Variants in GLE1 observed in about 807,000 individuals in gnomAD.
GLE1 encodes the protein mRNA export factor GLE1.
GLE1 carries 78 observed loss-of-function variants against 97.3 expected under a neutral mutation model. That is an observed-to-expected ratio of 0.80 (90% CI 0.67 to 0.97). The LOEUF (loss-of-function observed/expected upper bound fraction) is 0.97. Among genes scored for constraint, GLE1 ranks in the 50% least tolerant of loss-of-function variants. GLE1 has a pLI of 0.00. For missense variants in GLE1, 753 were observed against 857.5 expected (o/e 0.88, Z 1.52); for synonymous variants, 302 against 313.4 (o/e 0.96, Z 0.39).
chr9:128,529,901 C>T (rs1413316752), intron 9 of GLE1, among the ~76,000 whole-genome samples: 11 of 152,056 alleles, frequency 7.2e-5, no homozygotes, highest in African/African-American at 2.4e-4. Context: ...CTCAGCCTCC[C>T]GAGTAGCTGG....
intron 13 of GLE1, among the ~76,000 whole-genome samples, chr9:128,538,817 T>A (rs1466382859): frequency 6.6e-6 from 1 of 152,080 alleles, no homozygotes; most frequent in Non-Finnish European, 1.5e-5. Context: ...CACCTAACCC[T>A]GCCAAAGTGT....
intron 6 of GLE1, among the ~76,000 whole-genome samples, chr9:128,524,469 C>T (rs1381319826): frequency 6.6e-6 from 1 of 151,642 alleles, no homozygotes; most frequent in African/African-American, 2.4e-5. Flanking sequence ...AAGTGATCCT[C>T]CCACCTTAGC....
At chr9:128,513,788 G>A (rs1335054244) in intron 2 of GLE1, among the ~76,000 whole-genome samples, 2 of 151,624 alleles carry the variant, frequency 1.3e-5, no homozygotes, top group Non-Finnish European at 2.9e-5. Flanking sequence ...AGGCCAAGGC[G>A]GGTGGATCAC....
chr9:128,507,454 C>T (rs539793254), intron 1 of GLE1, among the ~76,000 whole-genome samples: 3 of 152,032 alleles, frequency 2.0e-5, no homozygotes, highest in Non-Finnish European at 4.4e-5. Flanking sequence ...TGTGGTGGTG[C>T]GTGCCTGTAG....
intron 9 of GLE1, among the ~76,000 whole-genome samples, chr9:128,532,034 T>TG (rs1431607493): frequency 5.3e-4 from 79 of 149,344 alleles, no homozygotes; most frequent in East Asian, 7.9e-4. Context: ...TCCACATGGT[T>TG]GGCTTTTTTT....
At chr9:128,524,847 T>C (rs1847257471) in intron 6 of GLE1, among the ~76,000 whole-genome samples, 1 of 151,910 alleles carries the variant, frequency 6.6e-6, no homozygotes, top group South Asian at 2.1e-4. Flanking sequence ...ACCGAGATCT[T>C]GCCACTGCAC....
At chr9:128,525,509 A>G in intron 7 of GLE1, 86 bp downstream of exon 7, 1 of 910,530 alleles carries the variant, frequency 1.1e-6, no homozygotes, top group Non-Finnish European at 1.8e-6. Flanking sequence ...GTTGTGTTAA[A>G]CTGTAGGACA....
chr9:128,535,770 G>T (rs1192968212), intron 11 of GLE1, among the ~76,000 whole-genome samples: 1 of 151,790 alleles, frequency 6.6e-6, no homozygotes, highest in Non-Finnish European at 1.5e-5. Context: ...GCCTGAGATC[G>T]TGCTATTGCT....
At position 128,527,544 on chromosome 9, in the gene GLE1, G is replaced by A; in HGVS notation, c.1312+19G>A. 2.1e-6 allele frequency: 3 copies of A among 1,440,626 alleles called. No homozygotes were observed. The highest frequency in any genetic ancestry group is 2.9e-6 in the Non-Finnish European group (3 of 1,021,620). The allele number at this position is 1,440,626 out of a possible 1,614,324, so 89.2% of individuals were successfully genotyped here. On this transcript the variant is annotated intron_variant, in intron 9 of 15. Transcript: ENST00000309971. ...ATTGCAGGTTGGTCAGAGGGGTTGAGAACATGACCTTTCATTTCATTGTAT... is the reference window on the plus strand; with the variant it reads ...ATTGCAGGTTGGTCAGAGGGGTTGAAAACATGACCTTTCATTTCATTGTAT...
At chr9:128,512,443 T>C (rs1846852411) in intron 2 of GLE1, among the ~76,000 whole-genome samples, 1 of 152,192 alleles carries the variant, frequency 6.6e-6, no homozygotes, top group African/African-American at 2.4e-5. Flanking sequence ...TGGGGGAGAC[T>C]GGGTGAAAAG....
chr9:128,513,789 G>T (rs1278011591), intron 2 of GLE1, among the ~76,000 whole-genome samples: 1 of 151,728 alleles, frequency 6.6e-6, no homozygotes, highest in East Asian at 1.9e-4. Context: ...GGCCAAGGCG[G>T]GTGGATCACG....
chr9:128,528,167 G>C (rs1176358649), intron 9 of GLE1, among the ~76,000 whole-genome samples: 1 of 150,976 alleles, frequency 6.6e-6, no homozygotes, highest in African/African-American at 2.4e-5. Flanking sequence ...ACCATACCCG[G>C]CTAATTTTTT....
chr9:128,534,660 G>A (rs1426562516), intron 11 of GLE1, among the ~76,000 whole-genome samples: 2 of 151,792 alleles, frequency 1.3e-5, no homozygotes, highest in African/African-American at 4.8e-5. Context: ...ATGAGTGCTT[G>A]GTAAACAAAG....
At chr9:128,510,323 G>T (rs533757748) in intron 2 of GLE1, among the ~76,000 whole-genome samples, 4 of 151,888 alleles carry the variant, frequency 2.6e-5, no homozygotes, top group Admixed American at 6.6e-5. Context: ...CCGCCTCCCG[G>T]CTTCAAGCGA....
At chr9:128,513,795 T>G (rs778848435) in intron 2 of GLE1, among the ~76,000 whole-genome samples, 2 of 150,990 alleles carry the variant, frequency 1.3e-5, no homozygotes, top group African/African-American at 4.9e-5. Context: ...GGCGGGTGGA[T>G]CACGAGGTCA....
At chr9:128,507,813 G>A (rs1460583570) in intron 1 of GLE1, among the ~76,000 whole-genome samples, 1 of 151,914 alleles carries the variant, frequency 6.6e-6, no homozygotes, top group Admixed American at 6.6e-5. Flanking sequence ...GCTTGAACCC[G>A]GGAGGTGGAG....
rs1283394132 is a variant in GLE1, at chr9:128,504,956, AC to A, written c.99+54del. 2.5e-6 allele frequency: 3 copies of A among 1,215,810 alleles called. No homozygotes were observed. The African/African-American group carries it at 4.4e-5, about 18-fold the overall frequency. 75.3% of individuals were successfully genotyped at this position (1,215,810 alleles called of 1,614,324 possible). A position where few individuals can be genotyped will look rare whatever the true frequency, so the allele number is the denominator to read the frequency against. ...GCCTTTCCGGCCCCTCGCGACCGAA[AC>A]CTTCTCCCTAGCCGTTGGCACGTTC... On this transcript the variant is annotated intron_variant, in intron 1 of 15. Transcript: ENST00000309971.
chr9:128,539,833 C>A, intron 14 of GLE1, 135 bp downstream of exon 14: 2 of 1,552,886 alleles, frequency 1.3e-6, no homozygotes, highest in Non-Finnish European at 1.7e-6. Context: ...CTTTCCTACT[C>A]CAGTCCCTCT....
rs1222209649 is a variant in GLE1 at position 128,522,800 on chromosome 9, G to T, written c.565G>T (p.Glu189Ter). The T allele has an allele frequency of 6.2e-7, 1 of 1,613,964 alleles. No individual in the cohort carries two copies. Among genetic ancestry groups the T allele is most frequent in the Admixed American group, 1.7e-5 (1 of 60,002 alleles). The part of the protein sequence containing the change: ...KQHKEFQDLR[E>*]VMEKSSREAL... ...GCATAAAGAATTCCAGGACTTGCGG[G>T]AAGTAATGGAGAAGAGGTGAGTCTC... The change falls in exon 4 of 16, where the codon GAA (glutamate) becomes TAA (stop). Residue 189 changes from glutamate (E) to a stop codon, truncating the protein, a stop_gained. Coordinates refer to ENST00000309971, the MANE Select transcript of GLE1 (RefSeq NM_001003722.2). LOFTEE classifies it high-confidence loss of function.
Sources: gnomAD v4.1 joint callset for allele counts (sites outside exome capture counted in the v4.1 genomes callset) on GRCh38, gnomAD v4.1.1 for gene constraint, MANE v1.5 for transcripts, NCBI Gene and HGNC (gene_info 2026-07-23, HGNC 2026-07-21) for gene names.